Variants in PTPRM observed in about 807,000 individuals in gnomAD.
The protein encoded by PTPRM is receptor-type tyrosine-protein phosphatase mu.
PTPRM carries 47 observed loss-of-function variants against 186.7 expected under a neutral mutation model. The ratio of observed to expected loss-of-function variants is 0.25; its 90% CI spans 0.20 to 0.32. The LOEUF is 0.32. Ranked by LOEUF, PTPRM falls within the 10% of genes least tolerant of loss-of-function variation. PTPRM has a pLI of 1.00. For synonymous variants in PTPRM, 668 were observed against 674.9 expected, an observed-to-expected ratio of 0.99 and a Z score of 0.16; for missense variants, 1,494 against 1,865.0, an observed-to-expected ratio of 0.80 and a Z score of 3.66.
rs376315046 is a variant in PTPRM, at chr18:7,952,771, C to T, written c.839-2350C>T. Among the ~76,000 whole-genome samples, 12 of 151,876 alleles carry T rather than the reference C, an allele frequency of 7.9e-5. No homozygotes were observed. The East Asian group carries it at 1.2e-3, about 15-fold the overall frequency. On this transcript the variant is annotated intron_variant, in intron 6 of 32. Transcript: ENST00000580170. ...CTATAATCCCAGCACTTTGGGAGGC[C>T]GAGGCTGGCAGATCACTTGAGGTCA...
At chr18:8,242,019 C>T (rs886758943) in intron 14 of PTPRM, among the ~76,000 whole-genome samples, 3 of 152,020 alleles carry the variant, frequency 2.0e-5, no homozygotes, top group Non-Finnish European at 2.9e-5. Context: ...AGAATTTTTC[C>T]AGTACAAGCA....
At chr18:7,678,089 G>A (rs1264638040) in intron 1 of PTPRM, among the ~76,000 whole-genome samples, 2 of 151,976 alleles carry the variant, frequency 1.3e-5, no homozygotes, top group African/African-American at 4.8e-5. Context: ...GAGGGGGGAA[G>A]GAAGGACTTG....
At chr18:7,792,841 T>C (rs954654400) in intron 2 of PTPRM, among the ~76,000 whole-genome samples, 1 of 151,714 alleles carries the variant, frequency 6.6e-6, no homozygotes, top group African/African-American at 2.4e-5. Context: ...ATTTTTTTGT[T>C]TTTTGTAGAG....
chr18:8,400,734 A>T (rs571484901), intron 32 of PTPRM, among the ~76,000 whole-genome samples: 1 of 152,258 alleles, frequency 6.6e-6, no homozygotes, highest in South Asian at 2.1e-4. Context: ...CCTCCCCTTT[A>T]GTAAGCCAAC....
At chr18:7,658,755 C>T (rs2038913244) in intron 1 of PTPRM, among the ~76,000 whole-genome samples, 1 of 152,158 alleles carries the variant, frequency 6.6e-6, no homozygotes, top group Admixed American at 6.6e-5. Context: ...GTTTTTCTCA[C>T]ATGAAGTTTT....
At chr18:7,755,226 G>C (rs1404737431) in intron 1 of PTPRM, 3 of 149,510 alleles carry the variant, frequency 2.0e-5, no homozygotes, top group Admixed American at 6.6e-5. Context: ...ACAAACCAGA[G>C]ACTGCCTGAA....
intron 13 of PTPRM, among the ~76,000 whole-genome samples, chr18:8,129,813 T>A (rs1033702587): frequency 2.6e-5 from 4 of 152,292 alleles, no homozygotes; most frequent in African/African-American, 9.6e-5. Flanking sequence ...AGAATTAATT[T>A]AGAATAAATG....
At chr18:7,793,484 T>A (rs1402576043) in intron 2 of PTPRM, among the ~76,000 whole-genome samples, 1 of 148,242 alleles carries the variant, frequency 6.7e-6, no homozygotes, top group Non-Finnish European at 1.5e-5. Context: ...ATGTTTTCTC[T>A]TAAATTTTTT....
At chr18:8,199,866 G>A (rs2093829709) in intron 14 of PTPRM, among the ~76,000 whole-genome samples, 1 of 152,076 alleles carries the variant, frequency 6.6e-6, no homozygotes, top group Non-Finnish European at 1.5e-5. Flanking sequence ...TATTGGCGCT[G>A]TGTGTATAAA....
At position 8,376,192 on chromosome 18, in the gene PTPRM, G is replaced by C. The variant is rs370234331; in HGVS notation, c.3318G>C (p.Val1106=). The change falls in exon 25 of 33, where the codon GTG becomes GTC. Residue 1106 remains valine (V), a synonymous_variant. Coordinates refer to ENST00000580170, the MANE Select transcript of PTPRM (RefSeq NM_001105244.2). The stretch of plus-strand genomic sequence containing the variant: ...CGCCCAGTGCAGGCCCACTGGTGGT[G>C]CACTGCAGGTAAGCAGAGCTCCAGA... ...KSPPSAGPLV[V]HCSAGAGRTG... The C allele has an allele frequency of 9.9e-6, 16 of 1,611,560 alleles. No individual in the cohort carries two copies. In the East Asian group the frequency reaches 3.6e-4, roughly 36 times the overall value.
chr18:7,990,092 T>G (rs1046509298), intron 7 of PTPRM, among the ~76,000 whole-genome samples: 3 of 152,016 alleles, frequency 2.0e-5, no homozygotes, highest in African/African-American at 7.2e-5. Context: ...TTAGTTGAGA[T>G]AGAGTTTCAC....
rs535018487 is a variant in PTPRM, at chr18:7,707,342, T to G, written c.74-66807T>G. Among the ~76,000 whole-genome samples, 42 of 152,106 alleles carry G rather than the reference T, an allele frequency of 2.8e-4. No homozygotes were observed. In the East Asian group the frequency reaches 8.0e-3, roughly 29 times the overall value. ...GTGCCAGGTATCTAAAAATACTCTGTTTAGGGTCAGAAGCATGATGGCTCA... is the reference window on the plus strand; with the variant it reads ...GTGCCAGGTATCTAAAAATACTCTGGTTAGGGTCAGAAGCATGATGGCTCA... On this transcript the variant is annotated intron_variant, in intron 1 of 32. Transcript: ENST00000580170.
At chr18:7,636,515 C>T (rs753367126) in intron 1 of PTPRM, among the ~76,000 whole-genome samples, 5 of 152,078 alleles carry the variant, frequency 3.3e-5, no homozygotes, top group Non-Finnish European at 7.3e-5. Flanking sequence ...TACTGTGTGT[C>T]TCAGAATTGC....
At chr18:7,879,558 A>G (rs1480543921) in intron 2 of PTPRM, among the ~76,000 whole-genome samples, 1 of 152,158 alleles carries the variant, frequency 6.6e-6, no homozygotes. Context: ...AAGGTGAAAT[A>G]ATATATTTTT....
At chr18:8,371,303 G>C (rs980214858) in intron 24 of PTPRM, among the ~76,000 whole-genome samples, 3 of 151,960 alleles carry the variant, frequency 2.0e-5, no homozygotes, top group African/African-American at 7.3e-5. Context: ...CTCTTTCTTT[G>C]TTCACAGAAC....
intron 2 of PTPRM, among the ~76,000 whole-genome samples, chr18:7,833,869 A>G (rs151236270): frequency 2.0e-5 from 3 of 152,346 alleles, no homozygotes; most frequent in African/African-American, 7.2e-5. Flanking sequence ...TTTGGATAGC[A>G]TCTTTAGGTT....
At chr18:7,767,710 C>T (rs1253074210) in intron 1 of PTPRM, among the ~76,000 whole-genome samples, 1 of 151,358 alleles carries the variant, frequency 6.6e-6, no homozygotes, top group African/African-American at 2.4e-5. Flanking sequence ...TAATAATTGC[C>T]AGGAAAAAAA....
chr18:8,051,298 G>A (rs1351477641), intron 7 of PTPRM, among the ~76,000 whole-genome samples: 6 of 152,132 alleles, frequency 3.9e-5, no homozygotes, highest in Admixed American at 2.0e-4. Flanking sequence ...AATGTTTTCT[G>A]AAGTTATGTA....
intron 14 of PTPRM, among the ~76,000 whole-genome samples, chr18:8,150,263 C>A (rs1457640581): frequency 6.6e-6 from 1 of 152,212 alleles, no homozygotes; most frequent in African/African-American, 2.4e-5. Context: ...CCATTCTCCT[C>A]GTCACTTTCA....
Sources: gnomAD v4.1 joint callset for allele counts (sites outside exome capture counted in the v4.1 genomes callset) on GRCh38, gnomAD v4.1.1 for gene constraint, MANE v1.5 for transcripts, NCBI Gene and HGNC (gene_info 2026-07-23, HGNC 2026-07-21) for gene names.